FOSL1: variants seen among roughly 807,000 people sequenced by gnomAD.
FOSL1 encodes fos-related antigen 1.
In FOSL1, 14 loss-of-function variants were observed where a neutral mutation model predicts 24.9. That is an observed-to-expected ratio of 0.56 (90% CI 0.37 to 0.88). The LOEUF (loss-of-function observed/expected upper bound fraction) is 0.88, where lower values mean the gene tolerates loss of function less well. Ranked by LOEUF, FOSL1 falls within the 40% of genes least tolerant of loss-of-function variation. FOSL1 has a pLI of 0.00. For missense variants in FOSL1, 318 were observed against 359.8 expected, an observed-to-expected ratio of 0.88 and a Z score of 0.94; for synonymous variants, 133 against 145.1, an observed-to-expected ratio of 0.92 and a Z score of 0.60.
Position 65,900,292 on chromosome 11 carries a change from G to C in FOSL1, c.48C>G (p.Gly16=), listed in dbSNP as rs928454799. 5 of 1,246,246 alleles carry C rather than the reference G, an allele frequency of 4.0e-6. No individual in the cohort carries two copies. The highest frequency in any genetic ancestry group is 5.0e-6 in the Non-Finnish European group (5 of 995,426). 77.2% of individuals were successfully genotyped at this position (1,246,246 alleles called of 1,614,324 possible). ...GGGGCTGCGCGGGGCCGCCGTACCC[G>C]CCGCCGTTCCCGGAGCTCGGGCCGG... ...GEPGPSSGNG[G]GYGGPAQPPA... is the part of the protein sequence containing the mutation. Residue 16 remains glycine (G), a synonymous_variant, in exon 1 of 4, where the codon GGC becomes GGG. Coordinates refer to ENST00000312562, the MANE Select transcript of FOSL1 (RefSeq NM_005438.5).
At position 65,896,415 on chromosome 11, in the gene FOSL1, A is replaced by G. The variant is rs140186830; in HGVS notation, c.297+394T>C. Among the ~76,000 whole-genome samples, 7 of 152,256 alleles carry G rather than the reference A, an allele frequency of 4.6e-5. No homozygotes were observed. The East Asian group carries it at 1.3e-3, about 29-fold the overall frequency. ...CCCTCTTGTTCCTGTTCTCTCCCAGACAACATAAGCGCCCCCTCTATGCAT... is the reference window on the plus strand; with the variant it reads ...CCCTCTTGTTCCTGTTCTCTCCCAGGCAACATAAGCGCCCCCTCTATGCAT... On this transcript the variant is annotated intron_variant, in intron 2 of 3. Coordinates refer to ENST00000312562, the MANE Select transcript of FOSL1 (RefSeq NM_005438.5).
rs1031598017 is a variant in FOSL1, at chr11:65,893,987, G to A, written c.405+27C>T. 2.7e-6 allele frequency: 4 copies of A among 1,501,410 alleles called. No homozygotes were observed. In the South Asian group the frequency reaches 4.8e-5, roughly 18 times the overall value. The allele number at this position is 1,501,410 out of a possible 1,614,324, so 93.0% of individuals were successfully genotyped here. A position where few individuals can be genotyped will look rare whatever the true frequency, so the allele number is the denominator to read the frequency against. ...GCTCTGGGAGACAGGGTCCCTCTGA[G>A]CTCGGTGGACCAGGGCTGGTGCTCA... On this transcript the variant is annotated intron_variant, in intron 3 of 3. Transcript: ENST00000312562.
At chr11:65,897,114 G>A (rs975588987) in intron 1 of FOSL1, 108 bp from the exon 2 acceptor site, 1 of 816,158 alleles carries the variant, frequency 1.2e-6, no homozygotes, top group Non-Finnish European at 2.0e-6. Flanking sequence ...GGCTAGCTCT[G>A]GGAACAGAAA....
chr11:65,893,951 G>A (rs1405820574), intron 3 of FOSL1, 63 bp downstream of exon 3: 2 of 1,112,098 alleles, frequency 1.8e-6, no homozygotes, highest in Admixed American at 4.0e-5. Context: ...ACATATACTG[G>A]GGCTCTGGGG....
At position 65,900,231 on chromosome 11, in the gene FOSL1, C is replaced by T. The variant is rs988188500; in HGVS notation, c.99+10G>A. On this transcript the variant is annotated intron_variant, in intron 1 of 3. Transcript: ENST00000312562. ...CTCCCGTGGGACCACCGGCGTCGGG[C>T]CCCACTCACCTGCTGGGCTGCCTGC... The T allele has an allele frequency of 8.2e-6, 10 of 1,216,952 alleles. No individual in the cohort carries two copies. In the African/African-American group the frequency reaches 1.2e-4, roughly 15 times the overall value. The allele number at this position is 1,216,952 out of a possible 1,614,324, so 75.4% of individuals were successfully genotyped here. A position where few individuals can be genotyped will look rare whatever the true frequency, so the allele number is the denominator to read the frequency against.
intron 2 of FOSL1, among the ~76,000 whole-genome samples, chr11:65,895,757 T>C (rs1449892438): frequency 6.6e-6 from 1 of 152,192 alleles, no homozygotes; most frequent in Non-Finnish European, 1.5e-5. Context: ...AACCTGTCTC[T>C]GGCTGATCTC....
chr11:65,899,307 G>C (rs764411453), intron 1 of FOSL1, among the ~76,000 whole-genome samples: 5 of 152,206 alleles, frequency 3.3e-5, no homozygotes, highest in Non-Finnish European at 7.3e-5. Context: ...CCCCAGTTCC[G>C]GGTCCGAGGC....
Position 65,896,799 on chromosome 11 carries a change from T to C in FOSL1, c.297+10A>G. 1 of 1,586,184 alleles carries C rather than the reference T, an allele frequency of 6.3e-7. No homozygotes were observed. Among genetic ancestry groups the C allele is most frequent in the Middle Eastern group, 2.0e-4 (1 of 5,102 alleles). On this transcript the variant is annotated intron_variant, in intron 2 of 3. Transcript: ENST00000312562. ...GGGGTCGGAACCACTGCAATGCCTC[T>C]GTGCCTTACCTGTTCACAAGGCCTT... is the stretch of plus-strand genomic sequence containing the variant.
At chr11:65,897,101 A>C in intron 1 of FOSL1, 95 bp from the exon 2 acceptor site, 1 of 912,286 alleles carries the variant, frequency 1.1e-6, no homozygotes, top group South Asian at 1.4e-5. Flanking sequence ...CCTTCAATGT[A>C]CAGGCTAGCT....
chr11:65,900,107 G>A, intron 1 of FOSL1, 134 bp downstream of exon 1: 1 of 433,510 alleles, frequency 2.3e-6, no homozygotes, highest in Non-Finnish European at 3.8e-6. Context: ...ACGGCGAGGG[G>A]CAGGATCCTC....
intron 1 of FOSL1, among the ~76,000 whole-genome samples, chr11:65,898,905 G>A (rs1860596788): frequency 6.7e-6 from 1 of 149,744 alleles, no homozygotes; most frequent in Admixed American, 6.6e-5. Flanking sequence ...AGGCTGCAGT[G>A]AGCTGTGATT....
At chr11:65,899,722 G>A (rs1860623972) in intron 1 of FOSL1, among the ~76,000 whole-genome samples, 1 of 152,354 alleles carries the variant, frequency 6.6e-6, no homozygotes, top group South Asian at 2.1e-4. Context: ...TGGCGACGGA[G>A]GGGCGAAGGA....
chr11:65,893,212 C>G lies in FOSL1; in HGVS notation c.490G>C (p.Val164Leu). 6.2e-7 allele frequency: 1 copy of G among 1,614,056 alleles called. No homozygotes were observed. The highest frequency in any genetic ancestry group is 8.5e-7 in the Non-Finnish European group (1 of 1,179,988). The change falls in exon 4 of 4, where the codon GTG becomes CTG. Residue 164 changes from valine to leucine, a missense_variant. Val to Leu is a conservative substitution (Grantham distance 32, BLOSUM62 1). Coordinates refer to ENST00000312562, the MANE Select transcript of FOSL1 (RefSeq NM_005438.5). ...CAGATGGGTCGGTGGGCTTCCAGCACCAGCTCTAGGCGCTCCTTCTGCTTC... is the reference window on the plus strand; with the variant it reads ...CAGATGGGTCGGTGGGCTTCCAGCAGCAGCTCTAGGCGCTCCTTCTGCTTC... ...LQKQKERLELVLEAHRPICKI... is the reference protein window; with the variant it reads ...LQKQKERLELLLEAHRPICKI...
At chr11:65,895,798 C>G (rs1860511944) in intron 2 of FOSL1, among the ~76,000 whole-genome samples, 1 of 152,178 alleles carries the variant, frequency 6.6e-6, no homozygotes, top group East Asian at 1.9e-4. Context: ...ACCTCTCTCC[C>G]CATCCTCTAC....
At chr11:65,893,469 G>T (rs112017120) in intron 3 of FOSL1, among the ~76,000 whole-genome samples, 173 bp from the exon 4 acceptor site, 2 of 152,204 alleles carry the variant, frequency 1.3e-5, no homozygotes, top group African/African-American at 2.4e-5. Context: ...GAGAAAATGG[G>T]CACAACTCCC....
chr11:65,892,398 G>A lies in FOSL1; in HGVS notation c.*488C>T, dbSNP rs1860406784. 8.5e-6 allele frequency: 3 copies of A among 354,640 alleles called. No individual in the cohort carries two copies. Among genetic ancestry groups the A allele is most frequent in the Middle Eastern group, 1.0e-3 (1 of 976 alleles). 22.0% of individuals were successfully genotyped at this position (354,640 alleles called of 1,614,324 possible). On this transcript the variant is annotated 3_prime_UTR_variant, in exon 4 of 4. Transcript: ENST00000312562. ...AAGCCAAGGGCGCCTCCTGAGCTGTGCGGTTCAGGAGGGGGCGGCAGAATG... is the reference window on the plus strand; with the variant it reads ...AAGCCAAGGGCGCCTCCTGAGCTGTACGGTTCAGGAGGGGGCGGCAGAATG...
chr11:65,897,095 C>T, intron 1 of FOSL1, 89 bp from the exon 2 acceptor site: 1 of 966,068 alleles, frequency 1.0e-6, no homozygotes, highest in South Asian at 1.4e-5. Flanking sequence ...TGTCTACCTT[C>T]AATGTACAGG....
At chr11:65,898,320 C>A (rs1860583601) in intron 1 of FOSL1, among the ~76,000 whole-genome samples, 1 of 152,114 alleles carries the variant, frequency 6.6e-6, no homozygotes, top group African/African-American at 2.4e-5. Context: ...GGATTATAGG[C>A]ATGAGGCACC....
At position 65,894,109 on chromosome 11, in the gene FOSL1, C is replaced by T. The variant is rs1457363842; in HGVS notation, c.310G>A (p.Glu104Lys). The T allele has an allele frequency of 1.2e-6, 2 of 1,605,580 alleles. No homozygotes were observed. Among genetic ancestry groups the T allele is most frequent in the Non-Finnish European group, 1.7e-6 (2 of 1,178,806 alleles). Residue 104 changes from glutamate (E) to lysine (K), a missense_variant, in exon 3 of 4, where the codon GAA becomes AAA. Coordinates refer to ENST00000312562, the MANE Select transcript of FOSL1 (RefSeq NM_005438.5). ...CGCCTTACTCGGCGGCGCTCCTCTTCCTCCGGGCTGATCTGGGGGTGAGAC... is the reference window on the plus strand; with the variant it reads ...CGCCTTACTCGGCGGCGCTCCTCTTTCTCCGGGCTGATCTGGGGGTGAGAC... The part of the protein sequence containing the change: ...RRPCEQISPE[E>K]EERRRVRRER...
Sources: gnomAD v4.1 joint callset for allele counts (sites outside exome capture counted in the v4.1 genomes callset) on GRCh38, gnomAD v4.1.1 for gene constraint, MANE v1.5 for transcripts, NCBI Gene and HGNC (gene_info 2026-07-23, HGNC 2026-07-21) for gene names.